Variants in FRMD8 observed in about 807,000 individuals in gnomAD.
FRMD8 encodes the protein FERM domain containing 8.
Under a neutral mutation model 54.2 loss-of-function variants are expected in FRMD8, and 37 were observed. That is an observed-to-expected ratio of 0.68 (90% CI 0.53 to 0.90). The LOEUF (loss-of-function observed/expected upper bound fraction) is 0.90. FRMD8 is among the 40% of genes least tolerant of loss of function. The probability of loss-of-function intolerance (pLI) is 0.00; values close to 1 mark genes in which losing one functional copy is unlikely to be tolerated. For synonymous variants in FRMD8, 246 were observed against 286.9 expected (o/e 0.86, Z 1.44); for missense variants, 585 against 653.7 (o/e 0.89, Z 1.15).
At chr11:65,374,336 GTGCCCAGGTGGAGCAGGGTAGCT>G in the FRMD8 span, among the ~76,000 whole-genome samples, 1 of 152,154 alleles carries the variant, frequency 6.6e-6, no homozygotes, top group South Asian at 2.1e-4. Context: ...GGGTAGCCAT[GTGCCCAGGTGGAGCAGGGTAGCT>G]AAGTAACTGG....
chr11:65,384,222 G>T (rs117062440), upstream of FRMD8, among the ~76,000 whole-genome samples: 3 of 151,976 alleles, frequency 2.0e-5, no homozygotes, highest in South Asian at 2.1e-4. Flanking sequence ...TGTCTAACAC[G>T]CCTGCCCCAT....
chr11:65,390,805 T>G (rs1294836277), intron 3 of FRMD8, among the ~76,000 whole-genome samples: 2 of 152,188 alleles, frequency 1.3e-5, no homozygotes, highest in Admixed American at 6.5e-5. Flanking sequence ...GCAGCCTGCC[T>G]CCTCCTCTCA....
At chr11:65,376,149 TTG>T in the FRMD8 span, 2,574 of 559,614 alleles carry the variant, frequency 4.6e-3, 57 homozygotes, top group African/African-American at 0.044. Context: ...GCCAGCTCAC[TTG>T]TGCCTCATGC....
chr11:65,387,153 C>G (rs1855750435), intron 2 of FRMD8, 32 bp downstream of exon 2: 1 of 1,543,504 alleles, frequency 6.5e-7, no homozygotes, highest in Admixed American at 1.7e-5. Context: ...TCTTCCACAC[C>G]CTCCTGGGAC....
At chr11:65,389,558 G>T in intron 3 of FRMD8, 30 bp downstream of exon 3, 1 of 1,541,582 alleles carries the variant, frequency 6.5e-7, no homozygotes, top group Non-Finnish European at 8.7e-7. Flanking sequence ...AGCCCAGGCT[G>T]GAGGGTTGGA....
chr11:65,373,026 C>T, the FRMD8 span, among the ~76,000 whole-genome samples: 862 of 152,142 alleles, frequency 5.7e-3, 11 homozygotes, highest in African/African-American at 0.02. Flanking sequence ...CTGAGGCGGG[C>T]GGATCACTTG....
At chr11:65,407,854 A>G (rs890521576) in intron 10 of FRMD8, among the ~76,000 whole-genome samples, 6 of 146,544 alleles carry the variant, frequency 4.1e-5, no homozygotes, top group East Asian at 2.1e-4. Context: ...ACTGCACTCC[A>G]GCCTGGGCGA....
At chr11:65,380,909 A>G in the FRMD8 span, 2 of 240,664 alleles carry the variant, frequency 8.3e-6, no homozygotes, top group South Asian at 8.2e-5. Flanking sequence ...ACAGCAGGTG[A>G]GGTCAAAGGT....
intron 9 of FRMD8, among the ~76,000 whole-genome samples, chr11:65,401,289 A>C: frequency 6.8e-6 from 1 of 146,800 alleles, no homozygotes; most frequent in Non-Finnish European, 1.5e-5. Flanking sequence ...CTCAGCACCG[A>C]GCACCTCTTC....
intron 9 of FRMD8, among the ~76,000 whole-genome samples, chr11:65,401,370 C>G (rs1856077128): frequency 7.6e-6 from 1 of 131,388 alleles, no homozygotes; most frequent in Non-Finnish European, 1.6e-5. Context: ...CCTCCCTCCC[C>G]TGCTTCCCTC....
rs374277096 is a variant in FRMD8, at chr11:65,394,033, C to T, written c.356-8C>T. On this transcript the variant is annotated splice_polypyrimidine_tract_variant and splice_region_variant and intron_variant, in intron 4 of 10. Coordinates refer to ENST00000317568, the MANE Select transcript of FRMD8 (RefSeq NM_031904.5). ...GATGCCCGGCAGTGACCCAGCCTCTCTCCCCAGATGAGCCTTTCCTGCAGT... is the reference window on the plus strand; with the variant it reads ...GATGCCCGGCAGTGACCCAGCCTCTTTCCCCAGATGAGCCTTTCCTGCAGT... 3 of 1,614,108 alleles carry T rather than the reference C, an allele frequency of 1.9e-6. No individual in the cohort carries two copies. Among genetic ancestry groups the T allele is most frequent in the Non-Finnish European group, 2.5e-6 (3 of 1,179,950 alleles).
intron 6 of FRMD8, among the ~76,000 whole-genome samples, chr11:65,395,827 G>A (rs1855942775): frequency 1.3e-5 from 2 of 152,252 alleles, no homozygotes; most frequent in African/African-American, 4.8e-5. Context: ...CAACGTTCCT[G>A]ACTTGGTGAC....
chr11:65,389,322 G>T, intron 2 of FRMD8, 39 bp from the exon 3 acceptor site: 1 of 1,601,498 alleles, frequency 6.2e-7, no homozygotes. Flanking sequence ...GCTGTGCCAG[G>T]CAGAGGCCTC....
the FRMD8 span, among the ~76,000 whole-genome samples, chr11:65,368,688 C>T: frequency 7.7e-3 from 1,177 of 152,228 alleles, 15 homozygotes; most frequent in African/African-American, 0.027. Context: ...CTCAGCCTCC[C>T]GAGTAGCTGG....
At chr11:65,397,354 C>T (rs1174718622) in intron 7 of FRMD8, among the ~76,000 whole-genome samples, 1 of 152,212 alleles carries the variant, frequency 6.6e-6, no homozygotes, top group Non-Finnish European at 1.5e-5. Context: ...CACGCACGCT[C>T]CCTGGGCACT....
chr11:65,370,708 A>AG, the FRMD8 span, among the ~76,000 whole-genome samples: 1 of 151,864 alleles, frequency 6.6e-6, no homozygotes, highest in Non-Finnish European at 1.5e-5. Flanking sequence ...TCAAAAAAAA[A>AG]AAAAGTTAAA....
the FRMD8 span, chr11:65,379,305 A>G: frequency 6.4e-7 from 1 of 1,557,236 alleles, no homozygotes; most frequent in Non-Finnish European, 8.7e-7. Context: ...TCGCCAGGGC[A>G]GGGTGGGAGA....
At position 65,409,247 on chromosome 11, in the gene FRMD8, C is replaced by T. The variant is rs531064794; in HGVS notation, c.1277-1995C>T. 9.2e-5 allele frequency among the ~76,000 whole-genome samples: 14 copies of T among 152,058 alleles called. No homozygotes were observed. In the South Asian group the frequency reaches 2.1e-3, roughly 23 times the overall value. ...GATTGCAGGCGCCCACCACCATGCCCGATCAATTTTTGTATCTTTAGTAGA... is the reference window on the plus strand; with the variant it reads ...GATTGCAGGCGCCCACCACCATGCCTGATCAATTTTTGTATCTTTAGTAGA... On this transcript the variant is annotated intron_variant, in intron 10 of 10. Coordinates refer to ENST00000317568, the MANE Select transcript of FRMD8 (RefSeq NM_031904.5).
chr11:65,381,819 C>T, upstream of FRMD8: 2 of 1,514,538 alleles, frequency 1.3e-6, no homozygotes, highest in African/African-American at 1.4e-5. Context: ...GGCCGGAACT[C>T]AGACTTTGGT....
Sources: allele counts gnomAD v4.1 joint callset (sites outside exome capture counted in the v4.1 genomes callset), GRCh38; gene constraint gnomAD v4.1.1; transcripts MANE v1.5; gene names NCBI Gene and HGNC (gene_info 2026-07-23, HGNC 2026-07-21).